The following THSD7A variants were observed in gnomAD, a reference collection of about 807,000 sequenced individuals.
THSD7A encodes thrombospondin type 1 domain containing 7A, also known as thrombospondin type-1 domain-containing protein 7A.
Under a neutral mutation model 231.3 loss-of-function variants are expected in THSD7A, and 96 were observed. That is an observed-to-expected ratio of 0.41 (90% confidence interval 0.35 to 0.49). The LOEUF (loss-of-function observed/expected upper bound fraction) is 0.49, where lower values mean the gene tolerates loss of function less well. THSD7A is among the 20% of genes least tolerant of loss of function. The pLI is 0.05. For synonymous variants in THSD7A, 940 were observed against 743.3 expected (o/e 1.26, Z -4.30); for missense variants, 2,290 against 2,070.2 (o/e 1.11, Z -2.06).
chr7:11,772,088 G>A (rs906953299), intron 1 of THSD7A, among the ~76,000 whole-genome samples: 2 of 152,120 alleles, frequency 1.3e-5, no homozygotes, highest in Admixed American at 1.3e-4. Flanking sequence ...CCAGTCTTCA[G>A]TATTTCTTTA....
intron 1 of THSD7A, among the ~76,000 whole-genome samples, chr7:11,812,654 C>A (rs1050773726): frequency 6.6e-6 from 1 of 152,146 alleles, no homozygotes; most frequent in Non-Finnish European, 1.5e-5. Flanking sequence ...CAGTTATCAC[C>A]TATTATTTAT....
chr7:11,590,577 T>C lies in THSD7A; in HGVS notation c.1336A>G (p.Lys446Glu), dbSNP rs1780119954. The C allele has an allele frequency of 6.2e-7, 1 of 1,613,730 alleles. No individual in the cohort carries two copies. The highest frequency in any genetic ancestry group is 1.3e-5 in the African/African-American group (1 of 74,914). ...AGGGCCGTCTGGTTGCCGCGCCTCT[T>C]GTCCTGCTGACTGAGCAAAGGGTCC... is the stretch of plus-strand genomic sequence containing the variant. ...RVDPLLSQQDKRRGNQTALCG... is the reference protein window; with the variant it reads ...RVDPLLSQQDERRGNQTALCG... The change falls in exon 4 of 28, where the codon AAG becomes GAG. Residue 446 changes from lysine to glutamate, a missense_variant. Coordinates refer to ENST00000423059, the MANE Select transcript of THSD7A (RefSeq NM_015204.3). This position sits in a 1 kb window ranked among gnomAD's most constrained non-coding sequence, Gnocchi z 4.4.
chr7:11,768,363 C>A (rs1298206814), intron 1 of THSD7A, among the ~76,000 whole-genome samples: 2 of 152,162 alleles, frequency 1.3e-5, no homozygotes, highest in African/African-American at 4.8e-5. Flanking sequence ...TAGAGGCAAT[C>A]ACAAACTGGC....
chr7:11,387,007 G>A (rs974279386), intron 23 of THSD7A, among the ~76,000 whole-genome samples: 1 of 152,180 alleles, frequency 6.6e-6, no homozygotes, highest in African/African-American at 2.4e-5. Flanking sequence ...GTTTGTCAAA[G>A]GTCAGATGGT....
chr7:11,737,726 T>C (rs1308670765), intron 1 of THSD7A, among the ~76,000 whole-genome samples: 1 of 152,050 alleles, frequency 6.6e-6, no homozygotes, highest in Non-Finnish European at 1.5e-5. Context: ...TTTCTATGTA[T>C]AAATTAAAAC....
rs1178163228 is a variant in THSD7A, at chr7:11,481,465, AT to A, written c.2017+322del. 8.5e-5 allele frequency among the ~76,000 whole-genome samples: 13 copies of A among 152,270 alleles called. No homozygotes were observed. In the South Asian group the frequency reaches 1.2e-3, roughly 15 times the overall value. On this transcript the variant is annotated intron_variant, in intron 7 of 27. Transcript: ENST00000423059. ...GAAATTCAGAAAAAAACAATGAAACATCTGAAATTTTGGGAGCCATTTTCAG... is the reference window on the plus strand; with the variant it reads ...GAAATTCAGAAAAAAACAATGAAACACTGAAATTTTGGGAGCCATTTTCAG...
At chr7:11,517,143 A>G (rs886450286) in intron 6 of THSD7A, among the ~76,000 whole-genome samples, 15 of 152,088 alleles carry the variant, frequency 9.9e-5, no homozygotes, top group Non-Finnish European at 2.1e-4. Flanking sequence ...CAGTGGCACA[A>G]TCTTGGCTCA....
rs1790028748 is a variant in THSD7A at position 11,560,434 on chromosome 7, A to T, written c.1454-17317T>A. 2.5e-5 allele frequency among the ~76,000 whole-genome samples: 3 copies of T among 121,850 alleles called. No homozygotes were observed. In the Admixed American group the frequency reaches 3.2e-4, roughly 13 times the overall value. 79.9% of individuals were successfully genotyped at this position (121,850 alleles called of 152,430 possible). A position where few individuals can be genotyped will look rare whatever the true frequency, so the allele number is the denominator to read the frequency against. On this transcript the variant is annotated intron_variant, in intron 4 of 27. Coordinates refer to ENST00000423059, the MANE Select transcript of THSD7A (RefSeq NM_015204.3). ...ACTATGATGGAGTGAGACAAAAAAT[A>T]AGACTATAAAATTTGTCTAAGCAAA...
chr7:11,817,414 C>A (rs1486044310), intron 1 of THSD7A, among the ~76,000 whole-genome samples: 2 of 152,180 alleles, frequency 1.3e-5, no homozygotes, highest in Non-Finnish European at 1.5e-5. Flanking sequence ...AATGTCTCTG[C>A]ATTTAAAAAC....
At chr7:11,760,602 A>G (rs1044421128) in intron 1 of THSD7A, among the ~76,000 whole-genome samples, 18 of 152,076 alleles carry the variant, frequency 1.2e-4, no homozygotes, top group Non-Finnish European at 2.5e-4. Context: ...CAATTACAGC[A>G]ATATAGCCTC....
At chr7:11,680,729 A>G (rs1177293220) in intron 1 of THSD7A, among the ~76,000 whole-genome samples, 2 of 152,162 alleles carry the variant, frequency 1.3e-5, no homozygotes, top group Non-Finnish European at 2.9e-5. Flanking sequence ...GTGGAGAAAT[A>G]AGAATGCTTT....
At chr7:11,718,953 G>A (rs114557305) in intron 1 of THSD7A, among the ~76,000 whole-genome samples, 2,760 of 151,556 alleles carry the variant, frequency 0.018, 71 homozygotes, top group African/African-American at 0.063. Context: ...ATAAAAAAAA[G>A]CATCAGACAG....
At chr7:11,787,755 A>G (rs1290186840) in intron 1 of THSD7A, among the ~76,000 whole-genome samples, 3 of 152,082 alleles carry the variant, frequency 2.0e-5, no homozygotes, top group Non-Finnish European at 4.4e-5. Flanking sequence ...GACAACATCT[A>G]AAGCTGGTAA....
At chr7:11,751,522 A>G (rs1782502120) in intron 1 of THSD7A, among the ~76,000 whole-genome samples, 1 of 151,990 alleles carries the variant, frequency 6.6e-6, no homozygotes, top group Non-Finnish European at 1.5e-5. Context: ...GATCTGGCAT[A>G]TAAAGAGAGT....
At chr7:11,742,201 A>T (rs1008196721) in intron 1 of THSD7A, among the ~76,000 whole-genome samples, 6 of 152,096 alleles carry the variant, frequency 3.9e-5, no homozygotes, top group African/African-American at 1.2e-4. Context: ...AGGCAGTATA[A>T]GAACAGATAT....
chr7:11,758,195 C>G (rs1325036144), intron 1 of THSD7A, among the ~76,000 whole-genome samples: 1 of 151,530 alleles, frequency 6.6e-6, no homozygotes, highest in Non-Finnish European at 1.5e-5. Context: ...AATTCAAAAC[C>G]AGTAGACTTA....
chr7:11,503,976 T>G (rs1787443602), intron 6 of THSD7A, among the ~76,000 whole-genome samples: 1 of 152,124 alleles, frequency 6.6e-6, no homozygotes, highest in Non-Finnish European at 1.5e-5. Context: ...CACTGAGGGA[T>G]ATAAAGCATT....
At position 11,593,488 on chromosome 7, in the gene THSD7A, T is replaced by C. The variant is rs779008874; in HGVS notation, c.1037A>G (p.Glu346Gly). Residue 346 changes from glutamate to glycine, a missense_variant, in exon 3 of 28, where the codon GAG (glutamate) becomes GGG (glycine). Coordinates refer to ENST00000423059, the MANE Select transcript of THSD7A (RefSeq NM_015204.3). ...KAADLSFCQQEKLPMTFQSCV... is the reference protein window; with the variant it reads ...KAADLSFCQQGKLPMTFQSCV... Reference sequence around the variant, plus strand: ...GGACTGGAAGGTCATTGGAAGCTTCTCTTGCTGGCAAAAGCTGTAAAAGAG... The same window carrying C: ...GGACTGGAAGGTCATTGGAAGCTTCCCTTGCTGGCAAAAGCTGTAAAAGAG... 2 of 1,613,868 alleles carry C rather than the reference T, an allele frequency of 1.2e-6. No homozygotes were observed. The highest frequency in any genetic ancestry group is 2.2e-5 in the South Asian group (2 of 91,068).
At chr7:11,609,744 G>A (rs1011770309) in intron 2 of THSD7A, among the ~76,000 whole-genome samples, 1 of 152,088 alleles carries the variant, frequency 6.6e-6, no homozygotes, top group Non-Finnish European at 1.5e-5. Flanking sequence ...ATGCAGAGAA[G>A]CTTATTCAAT....
Sources: gnomAD v4.1 joint callset for allele counts (sites outside exome capture counted in the v4.1 genomes callset) on GRCh38, gnomAD v4.1.1 for gene constraint, Gnocchi (gnomAD v3.1) non-coding constraint, MANE v1.5 for transcripts, NCBI Gene and HGNC (gene_info 2026-07-23, HGNC 2026-07-21) for gene names.